The following SLC2A13 variants were observed in gnomAD, a reference collection of about 807,000 sequenced individuals.
SLC2A13 encodes solute carrier family 2 member 13, also known as proton myo-inositol cotransporter.
A neutral mutation model predicts 64.4 loss-of-function variants in SLC2A13; 32 were observed. The observed-to-expected ratio is 0.50, with a 90% CI of 0.37 to 0.67. The LOEUF (loss-of-function observed/expected upper bound fraction) is 0.67. Among genes scored for constraint, SLC2A13 ranks in the 30% least tolerant of loss-of-function variants. The pLI, the probability that SLC2A13 is intolerant of heterozygous loss-of-function variation, is 0.00. For missense variants in SLC2A13, 743 were observed against 829.2 expected, an observed-to-expected ratio of 0.90 and a Z score of 1.28; for synonymous variants, 338 against 327.1, an observed-to-expected ratio of 1.03 and a Z score of -0.36.
At chr12:40,005,885 T>C (rs1484538067) in intron 3 of SLC2A13, among the ~76,000 whole-genome samples, 1 of 152,222 alleles carries the variant, frequency 6.6e-6, no homozygotes, top group Non-Finnish European at 1.5e-5. Context: ...CTTGGCTGCA[T>C]ATGTGTATAA....
intron 7 of SLC2A13, among the ~76,000 whole-genome samples, chr12:39,812,396 CTCTT>C (rs1942200835): frequency 8.7e-6 from 1 of 115,576 alleles, no homozygotes; most frequent in Non-Finnish European, 1.7e-5. Flanking sequence ...CTTTCTCTCT[CTCTT>C]TCTTCCTTCC....
chr12:40,103,999 G>A (rs1939222659), intron 1 of SLC2A13, among the ~76,000 whole-genome samples: 1 of 152,184 alleles, frequency 6.6e-6, no homozygotes, highest in Non-Finnish European at 1.5e-5. Context: ...GCAGTGAGCT[G>A]GGTTTTAGGC....
At chr12:39,978,640 G>C (rs1474019863) in intron 3 of SLC2A13, among the ~76,000 whole-genome samples, 8 of 152,150 alleles carry the variant, frequency 5.3e-5, no homozygotes, top group Non-Finnish European at 8.8e-5. Flanking sequence ...CGCACCACGC[G>C]ACAATATCCC....
chr12:39,915,076 C>T (rs1020918557), intron 4 of SLC2A13, among the ~76,000 whole-genome samples: 17 of 151,798 alleles, frequency 1.1e-4, no homozygotes, highest in Admixed American at 1.1e-3. Flanking sequence ...GGAAAACCAA[C>T]AGAGAAATGA....
At chr12:39,921,262 T>A (rs926320272) in intron 4 of SLC2A13, among the ~76,000 whole-genome samples, 2 of 152,070 alleles carry the variant, frequency 1.3e-5, no homozygotes, top group Non-Finnish European at 2.9e-5. Flanking sequence ...TGGTCTTCCT[T>A]CTGTTGCTAG....
At chr12:40,038,641 G>A (rs1948029480) in intron 2 of SLC2A13, among the ~76,000 whole-genome samples, 2 of 151,732 alleles carry the variant, frequency 1.3e-5, no homozygotes, top group African/African-American at 2.4e-5. Flanking sequence ...TGAGGCGGGA[G>A]GGTCACTTGA....
chr12:40,042,959 G>GAAAAAAAAAAAAAAAAAAAA (rs58322891), intron 2 of SLC2A13, among the ~76,000 whole-genome samples: 1 of 111,462 alleles, frequency 9.0e-6, no homozygotes, highest in African/African-American at 3.5e-5. Context: ...GCATAAGAAT[G>GAAAAAAAAAAAAAAAAAAAA]AAAAAAAAAA....
At chr12:39,974,281 A>C (rs1439183849) in intron 3 of SLC2A13, among the ~76,000 whole-genome samples, 3 of 152,236 alleles carry the variant, frequency 2.0e-5, no homozygotes, top group African/African-American at 7.2e-5. Flanking sequence ...CCTCTTGACC[A>C]GTGTATTCAT....
chr12:39,909,858 TG>T lies in SLC2A13; in HGVS notation c.1035-37898del, dbSNP rs535372497. ...TCTTTTCATTACTCTTCTTACAGTT[TG>T]TTTTTTTTTTTTTTTAAGAGAGTAA... is the stretch of plus-strand genomic sequence containing the variant. On this transcript the variant is annotated intron_variant, in intron 4 of 9. Coordinates refer to ENST00000280871, the MANE Select transcript of SLC2A13 (RefSeq NM_052885.4). 7.7e-3 allele frequency among the ~76,000 whole-genome samples: 1,162 copies of T among 150,982 alleles called. 24 individuals are homozygous for T. Among genetic ancestry groups the T allele is most frequent in the African/African-American group, 0.027 (1,093 of 40,632 alleles).
chr12:40,013,238 A>G (rs1947562076), intron 3 of SLC2A13, among the ~76,000 whole-genome samples: 1 of 152,182 alleles, frequency 6.6e-6, no homozygotes, highest in Non-Finnish European at 1.5e-5. Context: ...GAGGTCAAAA[A>G]TTTACAATAC....
At chr12:39,960,999 G>T (rs1946402858) in intron 3 of SLC2A13, among the ~76,000 whole-genome samples, 1 of 149,966 alleles carries the variant, frequency 6.7e-6, no homozygotes, top group African/African-American at 2.4e-5. Context: ...CACTCGTCTT[G>T]GCCTTCCAAA....
chr12:39,896,738 A>G (rs940114261), intron 4 of SLC2A13, among the ~76,000 whole-genome samples: 8 of 152,048 alleles, frequency 5.3e-5, no homozygotes, highest in African/African-American at 1.9e-4. Context: ...CTAATAAAAC[A>G]TCTTGCAGTT....
intron 7 of SLC2A13, among the ~76,000 whole-genome samples, chr12:39,778,547 T>C (rs762253165): frequency 3.9e-5 from 6 of 152,216 alleles, no homozygotes; most frequent in African/African-American, 9.7e-5. Context: ...AGTTATATTA[T>C]TAATTTTATT....
At chr12:39,776,808 C>T (rs1231005656) in intron 7 of SLC2A13, among the ~76,000 whole-genome samples, 1 of 152,160 alleles carries the variant, frequency 6.6e-6, no homozygotes, top group Non-Finnish European at 1.5e-5. Context: ...AAGCATGTCT[C>T]TTTTCTGCTT....
chr12:40,092,954 C>A (rs909910097), intron 1 of SLC2A13, among the ~76,000 whole-genome samples: 1 of 152,168 alleles, frequency 6.6e-6, no homozygotes, highest in Admixed American at 6.5e-5. Context: ...AGAGAGGAGA[C>A]ATTAGAGCAT....
At chr12:40,103,189 C>T in intron 1 of SLC2A13, among the ~76,000 whole-genome samples, 1 of 152,198 alleles carries the variant, frequency 6.6e-6, no homozygotes, top group East Asian at 1.9e-4. Flanking sequence ...ATCTGATCTC[C>T]TGCTTTGTCC....
chr12:39,939,547 G>C (rs978513072), intron 4 of SLC2A13, among the ~76,000 whole-genome samples: 1 of 152,208 alleles, frequency 6.6e-6, no homozygotes, highest in African/African-American at 2.4e-5. Context: ...GCCAAGGAAA[G>C]TCTATCACAT....
chr12:39,808,071 C>A (rs139755816), intron 7 of SLC2A13, among the ~76,000 whole-genome samples: 132 of 152,290 alleles, frequency 8.7e-4, no homozygotes, highest in Middle Eastern at 3.4e-3. Context: ...ACCACTACCA[C>A]AGACAAGAGA....
At chr12:39,863,331 C>T (rs1019562030) in intron 6 of SLC2A13, among the ~76,000 whole-genome samples, 33 of 152,048 alleles carry the variant, frequency 2.2e-4, no homozygotes, top group Admixed American at 2.1e-3. Context: ...AAAACTATTT[C>T]ATTATGTAAA....
Sources: gnomAD v4.1 joint callset for allele counts (sites outside exome capture counted in the v4.1 genomes callset) on GRCh38, gnomAD v4.1.1 for gene constraint, MANE v1.5 for transcripts, NCBI Gene and HGNC (gene_info 2026-07-23, HGNC 2026-07-21) for gene names.